STK3: variants seen among roughly 807,000 people sequenced by gnomAD.
The protein encoded by STK3 is serine/threonine kinase 3.
A neutral mutation model predicts 58.0 loss-of-function variants in STK3; 41 were observed. That is an observed-to-expected ratio of 0.71 (90% CI 0.55 to 0.92). STK3 has a LOEUF of 0.92. STK3 is among the 40% of genes least tolerant of loss of function. STK3 has a pLI of 0.00. For missense variants in STK3, 479 were observed against 602.7 expected (o/e 0.79, Z 2.15); for synonymous variants, 170 against 191.0 (o/e 0.89, Z 0.91).
At chr8:98,822,729 T>C (rs1473476919) in intron 1 of STK3, among the ~76,000 whole-genome samples, 1 of 152,112 alleles carries the variant, frequency 6.6e-6, no homozygotes, top group Non-Finnish European at 1.5e-5. Context: ...GCCTATAACA[T>C]AAATAAAGAA....
At position 98,893,476 on chromosome 8, in the gene STK3, A is replaced by G. The variant is rs1249778650; in HGVS notation, c.-78-9642T>C. On this transcript the variant is annotated intron_variant, in intron 1 of 1. Coordinates refer to the STK3 transcript ENST00000519420. ...AAAGAAAGAAAGAAAGAAAGAAAGA[A>G]AGAAAGAAAGAGAAAGAAAGAAAGA... 6.7e-4 allele frequency among the ~76,000 whole-genome samples: 47 copies of G among 69,712 alleles called. 1 individual carries two copies. Among genetic ancestry groups the G allele is most frequent in the Middle Eastern group, 6.1e-3 (1 of 164 alleles). 45.7% of individuals were successfully genotyped at this position (69,712 alleles called of 152,430 possible).
At chr8:98,778,341 C>T (rs1310124512) in intron 1 of STK3, among the ~76,000 whole-genome samples, 1 of 152,114 alleles carries the variant, frequency 6.6e-6, no homozygotes. Context: ...TACCATCTCA[C>T]ACCAGTTAGA....
In STK3 at chr8:98,783,574, GT is replaced by G. The variant is rs528346198; in HGVS notation, c.27-8756del. ...CAGGGTGGTGGTTGCAAAAGGTTGG[GT>G]TAGCTGTGGAAATTTCTTAAAATAA... On this transcript the variant is annotated intron_variant, in intron 1 of 10. Transcript: ENST00000419617. Among the ~76,000 whole-genome samples the G allele has an allele frequency of 1.5e-3, 230 of 152,282 alleles. 2 individuals are homozygous for G. Among genetic ancestry groups the G allele is most frequent in the Admixed American group, 3.5e-3 (54 of 15,292 alleles).
intron 3 of STK3, among the ~76,000 whole-genome samples, chr8:98,849,633 C>A (rs997296805): frequency 1.8e-4 from 28 of 152,186 alleles, no homozygotes; most frequent in African/African-American, 6.0e-4. Context: ...TACTTTTCAG[C>A]AATCCTTTTT....
At chr8:98,583,162 G>T (rs1479395193) in intron 7 of STK3, among the ~76,000 whole-genome samples, 2 of 151,002 alleles carry the variant, frequency 1.3e-5, no homozygotes, top group African/African-American at 4.9e-5. Flanking sequence ...TTTTTATTAG[G>T]TTAATTTCAC....
chr8:98,798,499 T>C lies in STK3; in HGVS notation c.27-23680A>G, dbSNP rs574830857. Among the ~76,000 whole-genome samples, 4 of 152,338 alleles carry C rather than the reference T, an allele frequency of 2.6e-5. No individual in the cohort carries two copies. The South Asian group carries it at 8.3e-4, about 32-fold the overall frequency. On this transcript the variant is annotated intron_variant, in intron 1 of 10. Transcript: ENST00000419617. ...AGTGGCTTTAGAGCATGTACTCTTC[T>C]AGTTGCTTGGGAATTTTGTGGAGAA...
chr8:98,587,256 C>T (rs1814714332), intron 7 of STK3, among the ~76,000 whole-genome samples: 1 of 152,090 alleles, frequency 6.6e-6, no homozygotes, highest in African/African-American at 2.4e-5. Context: ...TTTCCCTCTA[C>T]ACACTGCTTT....
intron 6 of STK3, chr8:98,651,822 T>C (rs1245195175): frequency 6.6e-6 from 1 of 152,098 alleles, no homozygotes; most frequent in Admixed American, 6.5e-5. Context: ...CCAAGAAATA[T>C]GGGACTATGT....
chr8:98,796,610 C>A (rs1336801769), intron 1 of STK3, among the ~76,000 whole-genome samples: 1 of 152,104 alleles, frequency 6.6e-6, no homozygotes, highest in East Asian at 1.9e-4. Flanking sequence ...ACAAGTGGGA[C>A]CTAATTAACC....
At chr8:98,380,402 A>G (rs1802036110) in intron 1 of STK3, among the ~76,000 whole-genome samples, 1 of 152,230 alleles carries the variant, frequency 6.6e-6, no homozygotes, top group African/African-American at 2.4e-5. Flanking sequence ...TCATCTACTT[A>G]CCTTTTTATA....
intron 6 of STK3, among the ~76,000 whole-genome samples, chr8:98,644,788 TAGA>T (rs1563839635): frequency 6.6e-6 from 1 of 152,168 alleles, no homozygotes; most frequent in Non-Finnish European, 1.5e-5. Flanking sequence ...CCTACACATT[TAGA>T]AGAAGTAAAT....
rs552070216 is a variant in STK3, at chr8:98,940,527, G to A, written c.-79+1851C>T. Among the ~76,000 whole-genome samples, 287 of 152,278 alleles carry A rather than the reference G, an allele frequency of 1.9e-3. 1 individual carries two copies. The highest frequency in any genetic ancestry group is 3.1e-3 in the Non-Finnish European group (211 of 68,004). Reference sequence around the variant, plus strand: ...GTGGCCGGAAGGGTGCCTGCGGCTGGCTGGCCCGGCCCGATTCCGGGTGGC... The same window carrying A: ...GTGGCCGGAAGGGTGCCTGCGGCTGACTGGCCCGGCCCGATTCCGGGTGGC... On this transcript the variant is annotated intron_variant, in intron 1 of 1. Coordinates refer to the STK3 transcript ENST00000519420.
intron 1 of STK3, among the ~76,000 whole-genome samples, chr8:98,932,923 GC>G (rs1205185836): frequency 8.5e-5 from 13 of 152,168 alleles, no homozygotes; most frequent in Admixed American, 7.2e-4. Context: ...AGAGCCTTTT[GC>G]CTGAAATCAG....
At chr8:98,735,252 T>C (rs996431610) in intron 4 of STK3, among the ~76,000 whole-genome samples, 22 of 152,266 alleles carry the variant, frequency 1.4e-4, no homozygotes, top group African/African-American at 4.3e-4. Flanking sequence ...AAAGCTATTC[T>C]AGGCACTTGG....
chr8:98,415,094 A>G (rs1409756104), intron 3 of STK3, among the ~76,000 whole-genome samples: 1 of 152,198 alleles, frequency 6.6e-6, no homozygotes, highest in African/African-American at 2.4e-5. Context: ...AGGGCTTGAT[A>G]GAGTGAGTTC....
intron 6 of STK3, among the ~76,000 whole-genome samples, chr8:98,596,631 C>A (rs1228826085): frequency 1.3e-5 from 2 of 152,074 alleles, no homozygotes; most frequent in Non-Finnish European, 2.9e-5. Flanking sequence ...TGAAATAATA[C>A]TTGACAGAGC....
intron 3 of STK3, among the ~76,000 whole-genome samples, chr8:98,870,285 T>C (rs1275636496): frequency 6.6e-6 from 1 of 152,230 alleles, no homozygotes; most frequent in Non-Finnish European, 1.5e-5. Context: ...CTATTGTGAA[T>C]AGTGCCGCTA....
At chr8:98,610,305 T>C (rs1817092841) in intron 6 of STK3, among the ~76,000 whole-genome samples, 1 of 152,210 alleles carries the variant, frequency 6.6e-6, no homozygotes, top group Non-Finnish European at 1.5e-5. Flanking sequence ...AATAAATTAA[T>C]ACTAGTCATT....
At chr8:98,936,621 G>A (rs1019207177) in intron 1 of STK3, among the ~76,000 whole-genome samples, 3 of 152,242 alleles carry the variant, frequency 2.0e-5, no homozygotes, top group Non-Finnish European at 2.9e-5. Flanking sequence ...ATGAGACAGA[G>A]GGGGAGCAGG....
Sources: gnomAD v4.1 joint callset for allele counts (sites outside exome capture counted in the v4.1 genomes callset) on GRCh38, gnomAD v4.1.1 for gene constraint, MANE v1.5 for transcripts, NCBI Gene and HGNC (gene_info 2026-07-23, HGNC 2026-07-21) for gene names.